The following FAM81B variants were observed in gnomAD, a reference collection of about 807,000 sequenced individuals.
The protein encoded by FAM81B is family with sequence similarity 81 member B.
FAM81B carries 60 observed loss-of-function variants against 58.7 expected under a neutral mutation model. That is an observed-to-expected ratio of 1.02 (90% CI 0.83 to 1.27). The LOEUF is 1.27. FAM81B is among the 50% of genes most tolerant of loss of function. The pLI is 0.00. For synonymous variants in FAM81B, 189 were observed against 179.6 expected (o/e 1.05, Z -0.42); for missense variants, 491 against 522.0 (o/e 0.94, Z 0.58).
At chr5:95,440,352 G>A in intron 7 of FAM81B, 2 of 831,022 alleles carry the variant, frequency 2.4e-6, no homozygotes, top group South Asian at 1.3e-5. Flanking sequence ...AAATAATCCT[G>A]ATGTTAAGGC....
At chr5:95,424,464 AAG>A (rs1762772333) in intron 5 of FAM81B, among the ~76,000 whole-genome samples, 1 of 151,978 alleles carries the variant, frequency 6.6e-6, no homozygotes, top group African/African-American at 2.4e-5. Context: ...AAAAAAAAAA[AAG>A]GATTACTTGT....
intron 3 of FAM81B, among the ~76,000 whole-genome samples, chr5:95,405,405 A>G (rs555228553): frequency 1.4e-4 from 21 of 152,114 alleles, no homozygotes; most frequent in African/African-American, 5.1e-4. Context: ...TTTTTCTGTT[A>G]TATTTATCCT....
At chr5:95,439,236 GTATATATATATATATATA>G (rs577076287) in intron 7 of FAM81B, among the ~76,000 whole-genome samples, 8 of 105,194 alleles carry the variant, frequency 7.6e-5, no homozygotes, top group Middle Eastern at 7.0e-3. Context: ...AGGTTAAAGA[GTATATATATATATATATA>G]TATATATATA....
At chr5:95,402,013 A>G (rs1196627282) in intron 3 of FAM81B, among the ~76,000 whole-genome samples, 2 of 152,240 alleles carry the variant, frequency 1.3e-5, no homozygotes, top group African/African-American at 4.8e-5. Flanking sequence ...TGGTGACTCC[A>G]TCTGCACTAG....
chr5:95,402,075 T>A (rs910210916), intron 3 of FAM81B, among the ~76,000 whole-genome samples: 3 of 152,204 alleles, frequency 2.0e-5, no homozygotes, highest in Non-Finnish European at 2.9e-5. Flanking sequence ...TAGATCTAGG[T>A]CCCACTGACA....
intron 3 of FAM81B, among the ~76,000 whole-genome samples, chr5:95,413,293 C>G (rs1322264974): frequency 6.6e-6 from 1 of 152,158 alleles, no homozygotes; most frequent in African/African-American, 2.4e-5. Flanking sequence ...TCACAAGATA[C>G]ACTGCTACAC....
At chr5:95,415,104 GA>G (rs1214851968) in intron 4 of FAM81B, among the ~76,000 whole-genome samples, 1 of 152,118 alleles carries the variant, frequency 6.6e-6, no homozygotes, top group African/African-American at 2.4e-5. Context: ...ATCAAAAAAA[GA>G]AAATTCTTTG....
chr5:95,424,244 A>G, intron 5 of FAM81B: 3 of 1,283,388 alleles, frequency 2.3e-6, no homozygotes, highest in Non-Finnish European at 2.0e-6. Context: ...AGTCATGCAT[A>G]TGAATCACTT....
intron 3 of FAM81B, among the ~76,000 whole-genome samples, chr5:95,412,225 A>T (rs557116752): frequency 6.6e-6 from 1 of 152,146 alleles, no homozygotes; most frequent in Admixed American, 6.5e-5. Flanking sequence ...TCTTTTTGAA[A>T]TTCTTCTATG....
Position 95,391,409 on chromosome 5 carries a change from G to A in FAM81B, c.20G>A (p.Gly7Asp). 2 of 1,613,342 alleles carry A rather than the reference G, an allele frequency of 1.2e-6. No homozygotes were observed. Among genetic ancestry groups the A allele is most frequent in the Non-Finnish European group, 1.7e-6 (2 of 1,179,604 alleles). Residue 7 changes from glycine (G) to aspartate (D), a missense_variant, in exon 1 of 10, where the codon GGT (glycine) becomes GAT (aspartate). Transcript: ENST00000283357. The stretch of plus-strand genomic sequence containing the variant: ...GTTAGGATGCAATTACAATTCCTTG[G>A]TACATTGGCTTCCTCAGAAAAAAGA... Reference protein sequence around the residue: MQLQFLGTLASSEKRKK... With the variant: MQLQFLDTLASSEKRKK...
intron 2 of FAM81B, among the ~76,000 whole-genome samples, chr5:95,395,117 T>C (rs1322678284): frequency 6.6e-6 from 1 of 152,182 alleles, no homozygotes. Flanking sequence ...TCTGTCTTGT[T>C]TTTTTAAACT....
chr5:95,436,707 ATC>A (rs1745114110), intron 6 of FAM81B, 91 bp from the exon 7 acceptor site: 4 of 833,328 alleles, frequency 4.8e-6, no homozygotes, highest in Non-Finnish European at 8.1e-6. Context: ...AAGTATATTA[ATC>A]TGTTTCCCGG....
At chr5:95,442,832 T>A (rs1035951559) in intron 7 of FAM81B, among the ~76,000 whole-genome samples, 1 of 152,230 alleles carries the variant, frequency 6.6e-6, no homozygotes, top group Non-Finnish European at 1.5e-5. Context: ...TAATTTTTGG[T>A]TTCTAATATG....
chr5:95,408,129 AAGAG>A (rs1762314055), intron 3 of FAM81B, among the ~76,000 whole-genome samples: 1 of 131,034 alleles, frequency 7.6e-6, no homozygotes, highest in Non-Finnish European at 1.7e-5. Flanking sequence ...AGGAGGGAGG[AAGAG>A]AGAGAAAGAG....
At position 95,436,781 on chromosome 5, in the gene FAM81B, C is replaced by A; in HGVS notation, c.787-19C>A. 6.5e-7 allele frequency: 1 copy of A among 1,533,288 alleles called. No individual in the cohort carries two copies. The highest frequency in any genetic ancestry group is 1.1e-5 in the South Asian group (1 of 89,328). 95.0% of individuals were successfully genotyped at this position (1,533,288 alleles called of 1,614,324 possible). On this transcript the variant is annotated intron_variant, in intron 6 of 9. Coordinates refer to ENST00000283357, the MANE Select transcript of FAM81B (RefSeq NM_152548.3). ...GGTGGTTTTGTTCATATGCACAAACCCTCTCGTACTTTGACTAGGTGATGC... is the reference window on the plus strand; with the variant it reads ...GGTGGTTTTGTTCATATGCACAAACACTCTCGTACTTTGACTAGGTGATGC...
chr5:95,404,604 T>C lies in FAM81B; in HGVS notation c.293+8429T>C, dbSNP rs138305387. Among the ~76,000 whole-genome samples the C allele has an allele frequency of 4.8e-3, 725 of 151,896 alleles. 7 individuals carry two copies. The highest frequency in any genetic ancestry group is 0.017 in the African/African-American group (695 of 41,178). On this transcript the variant is annotated intron_variant, in intron 3 of 9. Transcript: ENST00000283357. The stretch of plus-strand genomic sequence containing the variant: ...GAGGCTCCAACAAGCTGTGACTTTA[T>C]GGAGCCACTTTTTTTTGGTCCAGTT...
chr5:95,397,807 G>A (rs771876923), intron 3 of FAM81B, among the ~76,000 whole-genome samples: 10 of 152,088 alleles, frequency 6.6e-5, no homozygotes, highest in South Asian at 6.2e-4. Flanking sequence ...ATTTCACATT[G>A]TTAATTGTCT....
At chr5:95,418,581 T>C (rs1431247984) in intron 4 of FAM81B, among the ~76,000 whole-genome samples, 1 of 152,208 alleles carries the variant, frequency 6.6e-6, no homozygotes, top group Non-Finnish European at 1.5e-5. Flanking sequence ...TTTTTAGATA[T>C]TGTTAATCTC....
At chr5:95,415,288 C>G (rs1418738401) in intron 4 of FAM81B, among the ~76,000 whole-genome samples, 1 of 152,154 alleles carries the variant, frequency 6.6e-6, no homozygotes, top group Non-Finnish European at 1.5e-5. Flanking sequence ...AATGCAGTCT[C>G]ACGATACTTG....
Sources: allele counts gnomAD v4.1 joint callset (sites outside exome capture counted in the v4.1 genomes callset), GRCh38; gene constraint gnomAD v4.1.1; transcripts MANE v1.5; gene names NCBI Gene and HGNC (gene_info 2026-07-23, HGNC 2026-07-21).